RANBP17: variants seen among roughly 807,000 people sequenced by gnomAD.
RANBP17 encodes the protein RAN binding protein 17, also known as ran-binding protein 17.
Under a neutral mutation model 141.2 loss-of-function variants are expected in RANBP17, and 158 were observed. The observed-to-expected ratio is 1.12, with a 90% CI of 0.98 to 1.28. The LOEUF is 1.28. RANBP17 is among the 50% of genes most tolerant of loss of function. The probability of loss-of-function intolerance (pLI) is 0.00; values close to 1 mark genes in which losing one functional copy is unlikely to be tolerated. For synonymous variants in RANBP17, 430 were observed against 450.0 expected (o/e 0.96, Z 0.56); for missense variants, 1,438 against 1,290.7 (o/e 1.11, Z -1.75).
At chr5:170,932,573 G>C (rs1274728494) in intron 12 of RANBP17, among the ~76,000 whole-genome samples, 2 of 151,852 alleles carry the variant, frequency 1.3e-5, no homozygotes, top group Non-Finnish European at 2.9e-5. Flanking sequence ...TTTTTTTTGA[G>C]ATATGTCCCA....
At chr5:171,197,568 C>G (rs1017373793) in intron 18 of RANBP17, among the ~76,000 whole-genome samples, 2 of 152,202 alleles carry the variant, frequency 1.3e-5, no homozygotes, top group Non-Finnish European at 2.9e-5. Flanking sequence ...AAGATACTAT[C>G]AGCGTAAGCT....
intron 25 of RANBP17, among the ~76,000 whole-genome samples, chr5:171,283,768 T>C (rs1434272673): frequency 6.6e-6 from 1 of 152,236 alleles, no homozygotes; most frequent in Non-Finnish European, 1.5e-5. Context: ...GTTTGTATTA[T>C]TCAGTAATAA....
At chr5:170,922,102 T>TG (rs34717626) in intron 11 of RANBP17, among the ~76,000 whole-genome samples, 92,583 of 151,522 alleles carry the variant, frequency 0.61, 29,646 homozygotes, top group South Asian at 0.89. Context: ...GCAGGTCTGT[T>TG]GGAGTTTGCC....
intron 24 of RANBP17, among the ~76,000 whole-genome samples, chr5:171,248,065 C>G (rs993273717): frequency 1.2e-4 from 19 of 152,104 alleles, no homozygotes; most frequent in South Asian, 2.1e-4. Context: ...GACTAGAGTC[C>G]TATAAAGAAC....
At chr5:170,985,740 A>T (rs896247268) in intron 14 of RANBP17, among the ~76,000 whole-genome samples, 1 of 152,176 alleles carries the variant, frequency 6.6e-6, no homozygotes, top group Admixed American at 6.6e-5. Context: ...GTATAAATGA[A>T]TTCTCCTGGA....
In RANBP17 at chr5:170,924,527, CTG is replaced by C. The variant is rs777553714; in HGVS notation, c.1448_1449del (p.Val483GlyfsTer31). 7.5e-6 allele frequency: 12 copies of C among 1,604,524 alleles called. No homozygotes were observed. The highest frequency in any genetic ancestry group is 1.0e-5 in the Non-Finnish European group (12 of 1,172,784). On this transcript the variant is annotated frameshift_variant, in exon 12 of 28. Coordinates refer to ENST00000523189, the MANE Select transcript of RANBP17 (RefSeq NM_022897.5). LOFTEE classifies it high-confidence loss of function. ...CTTCTGCATCCATATTCTGGTGTAA[CTG>C]TGGACATCACCATTCAGGAAGGTCA...
chr5:171,058,824 T>C (rs1044225029), intron 14 of RANBP17, among the ~76,000 whole-genome samples: 30 of 149,986 alleles, frequency 2.0e-4, no homozygotes, highest in African/African-American at 7.1e-4. Context: ...CCAGCACCTG[T>C]TGTTTCCTGA....
intron 18 of RANBP17, among the ~76,000 whole-genome samples, chr5:171,191,474 G>A (rs1193073112): frequency 6.6e-6 from 1 of 152,014 alleles, no homozygotes; most frequent in Non-Finnish European, 1.5e-5. Context: ...GGATCACGAG[G>A]TAGGAGATCG....
intron 14 of RANBP17, among the ~76,000 whole-genome samples, chr5:171,116,842 A>G (rs1755664219): frequency 6.6e-6 from 1 of 152,016 alleles, no homozygotes; most frequent in South Asian, 2.1e-4. Flanking sequence ...AGACTTTAAT[A>G]TTCTCTATTC....
intron 14 of RANBP17, among the ~76,000 whole-genome samples, chr5:171,114,355 C>T (rs1755462423): frequency 6.6e-6 from 1 of 152,118 alleles, no homozygotes; most frequent in African/African-American, 2.4e-5. Flanking sequence ...GAATTGTTAG[C>T]AGTAATACTT....
intron 14 of RANBP17, among the ~76,000 whole-genome samples, chr5:171,083,310 G>A (rs1246301839): frequency 6.6e-6 from 1 of 152,038 alleles, no homozygotes; most frequent in East Asian, 1.9e-4. Context: ...ATAAAAAGAT[G>A]CCAAAAAGCT....
intron 3 of RANBP17, among the ~76,000 whole-genome samples, chr5:170,891,893 AT>A (rs1379530638): frequency 3.3e-5 from 5 of 152,222 alleles, no homozygotes; most frequent in African/African-American, 1.2e-4. Context: ...AGATAAAATC[AT>A]GCAGAAACAA....
chr5:171,055,184 T>C (rs972467432), intron 14 of RANBP17, among the ~76,000 whole-genome samples: 21 of 152,196 alleles, frequency 1.4e-4, no homozygotes, highest in African/African-American at 5.1e-4. Context: ...GCTAGCTGAT[T>C]CCTGTTTGTC....
At chr5:171,292,105 A>G (rs531511413) in intron 25 of RANBP17, among the ~76,000 whole-genome samples, 1 of 152,320 alleles carries the variant, frequency 6.6e-6, no homozygotes, top group South Asian at 2.1e-4. Flanking sequence ...TTTGCTTGTC[A>G]GTTTAATTTG....
Position 171,299,601 on chromosome 5 carries a change from C to T in RANBP17, c.*743C>T, listed in dbSNP as rs1769017423. ...TTCTGGGTGGTGCCAGCACCCAGTC[C>T]TCTGCCTCCATTTAATTTTTAAGAG... On this transcript the variant is annotated 3_prime_UTR_variant, in exon 28 of 28. Transcript: ENST00000523189. 4.3e-6 allele frequency: 1 copy of T among 231,858 alleles called. No individual in the cohort carries two copies. The highest frequency in any genetic ancestry group is 6.1e-5 in the East Asian group (1 of 16,416). The allele number at this position is 231,858 out of a possible 1,614,324, so 14.4% of individuals were successfully genotyped here. A position where few individuals can be genotyped will look rare whatever the true frequency, so the allele number is the denominator to read the frequency against.
chr5:171,144,914 G>A (rs984375108), intron 14 of RANBP17, among the ~76,000 whole-genome samples: 12 of 152,134 alleles, frequency 7.9e-5, no homozygotes, highest in South Asian at 2.1e-4. Context: ...GAGTATTCTC[G>A]CTTGTGATGG....
chr5:171,013,897 T>G (rs545693098), intron 14 of RANBP17, among the ~76,000 whole-genome samples: 18 of 152,232 alleles, frequency 1.2e-4, no homozygotes, highest in Middle Eastern at 6.8e-3. Context: ...GTATTCTTCC[T>G]GATTCTCTTT....
intron 14 of RANBP17, among the ~76,000 whole-genome samples, chr5:171,001,353 A>G (rs1779189501): frequency 1.3e-5 from 2 of 152,292 alleles, no homozygotes; most frequent in South Asian, 4.1e-4. Context: ...AAGGAGAAAA[A>G]TAGGTGTTAA....
chr5:170,929,501 C>T (rs768094017), intron 12 of RANBP17, among the ~76,000 whole-genome samples: 30 of 151,964 alleles, frequency 2.0e-4, no homozygotes, highest in Admixed American at 5.2e-4. Flanking sequence ...CTTTATTTTA[C>T]GAATGTAGTG....
Sources: allele counts gnomAD v4.1 joint callset (sites outside exome capture counted in the v4.1 genomes callset), GRCh38; gene constraint gnomAD v4.1.1; transcripts MANE v1.5; gene names NCBI Gene and HGNC (gene_info 2026-07-23, HGNC 2026-07-21).